The following CAPN13 variants were observed in gnomAD, a reference collection of about 807,000 sequenced individuals.
CAPN13 encodes calpain-13.
A neutral mutation model predicts 98.4 loss-of-function variants in CAPN13; 90 were observed. The ratio of observed to expected loss-of-function variants is 0.92; its 90% CI spans 0.77 to 1.09. The LOEUF (loss-of-function observed/expected upper bound fraction) is 1.09, where lower values mean the gene tolerates loss of function less well. Among genes scored for constraint, CAPN13 ranks in the 50% least tolerant of loss-of-function variants. The pLI is 0.00. For missense variants in CAPN13, 887 were observed against 841.3 expected (o/e 1.05, Z -0.67); for synonymous variants, 330 against 305.5 (o/e 1.08, Z -0.84).
intron 5 of CAPN13, among the ~76,000 whole-genome samples, chr2:30,766,412 C>T (rs1330093374): frequency 2.0e-5 from 3 of 152,242 alleles, no homozygotes; most frequent in South Asian, 2.1e-4. Context: ...GTATCCACAA[C>T]GCCCATGAAA....
intron 1 of CAPN13, among the ~76,000 whole-genome samples, chr2:30,794,287 A>G (rs905077301): frequency 4.6e-5 from 7 of 151,878 alleles, no homozygotes; most frequent in Admixed American, 1.3e-4. Context: ...CAATAACCCA[A>G]CTTGAAAAGA....
intron 7 of CAPN13, among the ~76,000 whole-genome samples, chr2:30,762,141 CAG>C (rs1158977904): frequency 6.6e-6 from 1 of 152,218 alleles, no homozygotes; most frequent in Non-Finnish European, 1.5e-5. Context: ...ACTAAAGAGA[CAG>C]AGTGTCCAGG....
At chr2:30,741,274 G>T in intron 15 of CAPN13, 1 of 632,118 alleles carries the variant, frequency 1.6e-6, no homozygotes, top group Non-Finnish European at 2.0e-6. Flanking sequence ...GCAGAGGCAG[G>T]GCCTGCCATC....
At chr2:30,781,396 T>G (rs535355095) in intron 2 of CAPN13, among the ~76,000 whole-genome samples, 44 of 152,324 alleles carry the variant, frequency 2.9e-4, no homozygotes, top group Middle Eastern at 3.4e-3. Context: ...CCATCCTAAC[T>G]GCATCACGGA....
chr2:30,802,193 C>A (rs952953351), intron 1 of CAPN13, among the ~76,000 whole-genome samples: 2 of 152,002 alleles, frequency 1.3e-5, no homozygotes, highest in African/African-American at 4.8e-5. Flanking sequence ...GAGACAAATC[C>A]AGTAGTACCA....
At chr2:30,742,899 T>C (rs1249073624) in intron 13 of CAPN13, among the ~76,000 whole-genome samples, 1 of 152,100 alleles carries the variant, frequency 6.6e-6, no homozygotes. Flanking sequence ...ACCCCACATT[T>C]CAGGCCATGT....
chr2:30,730,600 G>C (rs1342747574), intron 22 of CAPN13, 130 bp downstream of exon 22: 1 of 599,028 alleles, frequency 1.7e-6, no homozygotes, highest in Non-Finnish European at 3.0e-6. Flanking sequence ...CTAAGCCTTG[G>C]TTCACTTATG....
chr2:30,784,505 T>C (rs1674157823), intron 2 of CAPN13, among the ~76,000 whole-genome samples: 1 of 152,176 alleles, frequency 6.6e-6, no homozygotes, highest in Non-Finnish European at 1.5e-5. Flanking sequence ...GCCATTTTTA[T>C]CCCTAAAAAG....
intron 1 of CAPN13, among the ~76,000 whole-genome samples, chr2:30,793,173 G>C (rs1403609571): frequency 6.6e-6 from 1 of 151,684 alleles, no homozygotes; most frequent in African/African-American, 2.4e-5. Context: ...GAAAATTAAA[G>C]GCATAAAGAT....
chr2:30,796,256 A>T (rs1674879610), intron 1 of CAPN13, among the ~76,000 whole-genome samples: 1 of 149,502 alleles, frequency 6.7e-6, no homozygotes, highest in Non-Finnish European at 1.5e-5. Flanking sequence ...ATATATACGT[A>T]TATATATAGT....
intron 1 of CAPN13, among the ~76,000 whole-genome samples, chr2:30,790,219 T>C (rs2148081129): frequency 6.6e-6 from 1 of 152,368 alleles, no homozygotes; most frequent in East Asian, 1.9e-4. Flanking sequence ...CACCTGATTT[T>C]CCTGCTGTCA....
chr2:30,753,248 G>A (rs1024906345), intron 9 of CAPN13, 50 bp from the exon 10 acceptor site: 1 of 1,599,910 alleles, frequency 6.3e-7, no homozygotes, highest in African/African-American at 1.3e-5. Context: ...TGTGTCCCCA[G>A]GGTGGGGGTT....
chr2:30,787,326 GA>G lies in CAPN13; in HGVS notation c.-2del. On this transcript the variant is annotated 5_prime_UTR_variant, in exon 2 of 23. Coordinates refer to ENST00000295055, the MANE Select transcript of CAPN13 (RefSeq NM_144575.3). ...CTGAAGGCTCCTGGTAATACGCCAT[GA>G]CTCTCCTTAGAAGACTTCCGAGGTC... is the stretch of plus-strand genomic sequence containing the variant. The G allele has an allele frequency of 6.2e-7, 1 of 1,611,054 alleles. No individual in the cohort carries two copies. Among genetic ancestry groups the G allele is most frequent in the Non-Finnish European group, 8.5e-7 (1 of 1,178,800 alleles).
intron 7 of CAPN13, among the ~76,000 whole-genome samples, chr2:30,760,236 G>A (rs756177260): frequency 3.3e-5 from 5 of 152,262 alleles, no homozygotes; most frequent in Non-Finnish European, 5.9e-5. Context: ...GCAGGTACCC[G>A]CCTAATGCCC....
At chr2:30,757,010 A>G (rs550874948) in intron 8 of CAPN13, among the ~76,000 whole-genome samples, 2 of 152,274 alleles carry the variant, frequency 1.3e-5, no homozygotes, top group East Asian at 3.9e-4. Context: ...TCAGGCCTAG[A>G]ACTGGCTGGC....
At chr2:30,796,224 G>GTA (rs537754339) in intron 1 of CAPN13, among the ~76,000 whole-genome samples, 2,638 of 103,018 alleles carry the variant, frequency 0.026, 82 homozygotes, top group African/African-American at 0.086. Flanking sequence ...ACATATATAT[G>GTA]TATATATATA....
chr2:30,766,859 C>A (rs1388238084), intron 5 of CAPN13, among the ~76,000 whole-genome samples: 1 of 152,130 alleles, frequency 6.6e-6, no homozygotes, highest in Non-Finnish European at 1.5e-5. Context: ...TTGACTTGAC[C>A]AATTAATTTC....
At chr2:30,754,692 TGAG>T (rs1377171409) in intron 8 of CAPN13, among the ~76,000 whole-genome samples, 3 of 152,156 alleles carry the variant, frequency 2.0e-5, no homozygotes, top group South Asian at 2.1e-4. Context: ...AGCGAGAACA[TGAG>T]GAGTCCCTCT....
intron 1 of CAPN13, among the ~76,000 whole-genome samples, chr2:30,787,940 G>A (rs1377348749): frequency 6.6e-6 from 1 of 152,134 alleles, no homozygotes; most frequent in African/African-American, 2.4e-5. Flanking sequence ...CCAGAGAGAG[G>A]GTGTGGGCAG....
Sources: gnomAD v4.1 joint callset for allele counts (sites outside exome capture counted in the v4.1 genomes callset) on GRCh38, gnomAD v4.1.1 for gene constraint, MANE v1.5 for transcripts, NCBI Gene and HGNC (gene_info 2026-07-23, HGNC 2026-07-21) for gene names.